The following SDK1 variants were observed in gnomAD, a reference collection of about 807,000 sequenced individuals.
SDK1 encodes the protein protein sidekick-1.
SDK1 carries 157 observed loss-of-function variants against 245.5 expected under a neutral mutation model. The observed-to-expected ratio is 0.64, with a 90% CI of 0.56 to 0.73. The LOEUF (loss-of-function observed/expected upper bound fraction) is 0.73, where lower values mean the gene tolerates loss of function less well. Ranked by LOEUF, SDK1 falls within the 30% of genes least tolerant of loss-of-function variation. SDK1 has a pLI of 0.00. For missense variants in SDK1, 3,583 were observed against 3,002.3 expected (o/e 1.19, Z -4.52); for synonymous variants, 1,647 against 1,278.5 (o/e 1.29, Z -6.15).
intron 44 of SDK1, among the ~76,000 whole-genome samples, chr7:4,251,230 A>G (rs1787271688): frequency 6.6e-6 from 1 of 152,234 alleles, no homozygotes; most frequent in South Asian, 2.1e-4. Context: ...GGGATCCCCA[A>G]GAGCACTCCC....
intron 1 of SDK1, among the ~76,000 whole-genome samples, chr7:3,312,592 T>C (rs1168409496): frequency 6.6e-6 from 1 of 151,882 alleles, no homozygotes; most frequent in East Asian, 1.9e-4. Context: ...AAAAATAACC[T>C]CAATGGACAG....
chr7:3,610,429 T>A, intron 1 of SDK1, among the ~76,000 whole-genome samples: 1 of 152,394 alleles, frequency 6.6e-6, no homozygotes, highest in African/African-American at 2.4e-5. Flanking sequence ...TGGTTGGTCA[T>A]ACTTTTTCAC....
At chr7:3,467,037 TA>T (rs1242162110) in intron 1 of SDK1, among the ~76,000 whole-genome samples, 1 of 122,336 alleles carries the variant, frequency 8.2e-6, no homozygotes, top group Non-Finnish European at 1.8e-5. Flanking sequence ...CACAGAGATG[TA>T]AAACATACAC....
At chr7:3,810,088 A>G (rs745610259) in intron 4 of SDK1, among the ~76,000 whole-genome samples, 3 of 152,218 alleles carry the variant, frequency 2.0e-5, no homozygotes, top group Non-Finnish European at 4.4e-5. Context: ...CTCTTGCTAT[A>G]TAAACTGAGC....
At chr7:3,610,964 G>C (rs184730116) in intron 1 of SDK1, among the ~76,000 whole-genome samples, 9 of 152,336 alleles carry the variant, frequency 5.9e-5, no homozygotes, top group African/African-American at 1.7e-4. Context: ...TGATGACTTT[G>C]TGGTGAGATC....
In SDK1 at chr7:4,017,186, C is replaced by G. The variant is rs976833917; in HGVS notation, c.2436C>G (p.Gly812=). ...RGYILRYRLA[G]LPGEYQQRNI... ...CGTGGCGCAGGTACCGCCTGGCTGG[C>G]CTTCCCGGAGAGTACCAGCAGCGGA... The change falls in exon 17 of 45, where the codon GGC becomes GGG. Residue 812 remains glycine, a synonymous_variant. Transcript: ENST00000404826. 1 of 1,610,884 alleles carries G rather than the reference C, an allele frequency of 6.2e-7. No homozygotes were observed. Among genetic ancestry groups the G allele is most frequent in the African/African-American group, 1.3e-5 (1 of 74,942 alleles).
chr7:3,321,079 A>G (rs1288702577), intron 1 of SDK1, among the ~76,000 whole-genome samples: 2 of 152,224 alleles, frequency 1.3e-5, no homozygotes, highest in Non-Finnish European at 2.9e-5. Flanking sequence ...CTAAAATTTT[A>G]AGATATTTCA....
rs541112584 is a variant in SDK1 at position 3,308,032 on chromosome 7, A to G, written c.298+6148A>G. Among the ~76,000 whole-genome samples the G allele has an allele frequency of 7.2e-5, 11 of 152,254 alleles. No homozygotes were observed. The East Asian group carries it at 1.4e-3, about 19-fold the overall frequency. ...CAATGTTGAAGACAACTAAGATGCA[A>G]TGTAGTATTTCTCCTTAGGTGCTGC... On this transcript the variant is annotated intron_variant, in intron 1 of 44. Transcript: ENST00000404826.
At chr7:4,219,976 A>C (rs980424780) in intron 38 of SDK1, 133 bp from the exon 39 acceptor site, 1 of 1,061,768 alleles carries the variant, frequency 9.4e-7, no homozygotes, top group African/African-American at 1.6e-5. Context: ...CACCATATAA[A>C]CTCCTAATAG....
At chr7:3,642,182 C>T (rs1763695044) in intron 4 of SDK1, 77 bp downstream of exon 4, 4 of 1,372,542 alleles carry the variant, frequency 2.9e-6, no homozygotes, top group Non-Finnish European at 4.1e-6. Flanking sequence ...AGTAAGTGTA[C>T]CAATTAAGGT....
intron 4 of SDK1, among the ~76,000 whole-genome samples, chr7:3,804,601 C>A (rs576524520): frequency 7.2e-5 from 11 of 152,196 alleles, no homozygotes; most frequent in Non-Finnish European, 1.3e-4. Context: ...ATAGGAAAAT[C>A]TTGCTGAGAT....
At chr7:3,380,120 A>G (rs1781448994) in intron 1 of SDK1, among the ~76,000 whole-genome samples, 2 of 152,252 alleles carry the variant, frequency 1.3e-5, no homozygotes, top group Middle Eastern at 3.4e-3. Flanking sequence ...CTTTTCTATG[A>G]CTGTGGATTG....
intron 4 of SDK1, among the ~76,000 whole-genome samples, chr7:3,806,412 G>A (rs561405662): frequency 5.3e-5 from 8 of 152,060 alleles, no homozygotes; most frequent in African/African-American, 1.7e-4. Flanking sequence ...GCCCTTATTC[G>A]GCCCACCACG....
chr7:3,707,193 C>G (rs1285535653), intron 4 of SDK1, among the ~76,000 whole-genome samples: 1 of 152,170 alleles, frequency 6.6e-6, no homozygotes, highest in African/African-American at 2.4e-5. Flanking sequence ...GCACTTTATG[C>G]TATAAACTTT....
At chr7:3,642,448 A>T (rs1782681200) in intron 4 of SDK1, among the ~76,000 whole-genome samples, 1 of 152,078 alleles carries the variant, frequency 6.6e-6, no homozygotes, top group African/African-American at 2.4e-5. Flanking sequence ...GTACTAATTT[A>T]ATGAGTGCTG....
chr7:4,246,015 C>G (rs1408143144), intron 44 of SDK1, among the ~76,000 whole-genome samples: 1 of 152,172 alleles, frequency 6.6e-6, no homozygotes, highest in East Asian at 1.9e-4. Flanking sequence ...CACATAGCCT[C>G]GAGCAGTCTA....
intron 4 of SDK1, among the ~76,000 whole-genome samples, chr7:3,704,025 C>T (rs1784816069): frequency 6.6e-6 from 1 of 152,076 alleles, no homozygotes; most frequent in Non-Finnish European, 1.5e-5. Flanking sequence ...GTACATTGCA[C>T]CCAGTTTGTC....
intron 4 of SDK1, among the ~76,000 whole-genome samples, chr7:3,687,328 TATGTTGG>T (rs1784316495): frequency 6.6e-6 from 1 of 151,996 alleles, no homozygotes; most frequent in African/African-American, 2.4e-5. Context: ...GGGGTTTCAC[TATGTTGG>T]CCAGGATAGT....
At chr7:3,402,759 T>C (rs1452880721) in intron 1 of SDK1, among the ~76,000 whole-genome samples, 1 of 152,220 alleles carries the variant, frequency 6.6e-6, no homozygotes, top group African/African-American at 2.4e-5. Flanking sequence ...TAAGTTGCAA[T>C]ATTTTTGAGT....
Sources: allele counts gnomAD v4.1 joint callset (sites outside exome capture counted in the v4.1 genomes callset), GRCh38; gene constraint gnomAD v4.1.1; transcripts MANE v1.5; gene names NCBI Gene and HGNC (gene_info 2026-07-23, HGNC 2026-07-21).